KCNH1: variants seen among roughly 807,000 people sequenced by gnomAD.
KCNH1 encodes potassium voltage-gated channel subfamily H member 1, also known as voltage-gated delayed rectifier potassium channel KCNH1.
KCNH1 carries 27 observed loss-of-function variants against 69.2 expected under a neutral mutation model. That is an observed-to-expected ratio of 0.39 (90% CI 0.29 to 0.54). The LOEUF is 0.54. Ranked by LOEUF, KCNH1 falls within the 20% of genes least tolerant of loss-of-function variation. The probability of loss-of-function intolerance (pLI) is 0.68; values close to 1 mark genes in which losing one functional copy is unlikely to be tolerated. For missense variants in KCNH1, 798 were observed against 1,261.6 expected (o/e 0.63, Z 5.57); for synonymous variants, 456 against 487.7 (o/e 0.93, Z 0.86).
At chr1:210,689,055 C>G (rs1351026229) in intron 10 of KCNH1, among the ~76,000 whole-genome samples, 2 of 152,190 alleles carry the variant, frequency 1.3e-5, no homozygotes, top group Non-Finnish European at 2.9e-5. Flanking sequence ...ACAGAGGACA[C>G]CTGGAGGGCA....
At chr1:210,894,707 G>A (rs1435032478) in intron 7 of KCNH1, among the ~76,000 whole-genome samples, 1 of 152,074 alleles carries the variant, frequency 6.6e-6, no homozygotes, top group East Asian at 1.9e-4. Flanking sequence ...TTATAAAAAT[G>A]AGCTCTCTCT....
chr1:211,021,250 C>T (rs1689582196), intron 5 of KCNH1, among the ~76,000 whole-genome samples: 1 of 151,914 alleles, frequency 6.6e-6, no homozygotes, highest in Non-Finnish European at 1.5e-5. Flanking sequence ...CACAAATCAC[C>T]ACTAAAGAAC....
intron 6 of KCNH1, among the ~76,000 whole-genome samples, chr1:210,958,467 T>C (rs1194493172): frequency 6.6e-6 from 1 of 152,226 alleles, no homozygotes; most frequent in Non-Finnish European, 1.5e-5. Flanking sequence ...CCTTGCCTGG[T>C]TGGGGAAGTT....
chr1:210,720,399 C>A (rs998504520), intron 10 of KCNH1, among the ~76,000 whole-genome samples: 5 of 152,162 alleles, frequency 3.3e-5, no homozygotes, highest in African/African-American at 9.7e-5. Context: ...ACAAAACTTT[C>A]TTATTTTATC....
intron 8 of KCNH1, among the ~76,000 whole-genome samples, chr1:210,802,604 G>A (rs920418916): frequency 1.3e-5 from 2 of 152,098 alleles, no homozygotes; most frequent in African/African-American, 2.4e-5. Flanking sequence ...CCCACTGTAT[G>A]TTTTCTCTAT....
intron 5 of KCNH1, among the ~76,000 whole-genome samples, chr1:211,075,376 T>C (rs1571626711): frequency 6.6e-6 from 1 of 152,314 alleles, no homozygotes; most frequent in Admixed American, 6.5e-5. Flanking sequence ...TTCAGAACAT[T>C]CTTTGTGAGC....
In KCNH1 at chr1:210,807,411, C is replaced by G. The variant is rs564037934; in HGVS notation, c.1463-3245G>C. The stretch of plus-strand genomic sequence containing the variant: ...CTTGAGGCCAGGAGTTTAAGACCAG[C>G]CTGGTCAACATGGCAAAGCCCTGTC... On this transcript the variant is annotated intron_variant, in intron 7 of 10. Coordinates refer to ENST00000271751, the MANE Select transcript of KCNH1 (RefSeq NM_172362.3). Among the ~76,000 whole-genome samples, 12 of 152,112 alleles carry G rather than the reference C, an allele frequency of 7.9e-5. No individual in the cohort carries two copies. The East Asian group carries it at 2.1e-3, about 27-fold the overall frequency.
intron 5 of KCNH1, among the ~76,000 whole-genome samples, chr1:211,069,072 T>G (rs187023156): frequency 6.6e-6 from 1 of 152,318 alleles, no homozygotes; most frequent in African/African-American, 2.4e-5. Context: ...CATTCTGTTC[T>G]TAACAAGGCC....
chr1:210,925,204 C>T (rs1184903381), intron 6 of KCNH1, among the ~76,000 whole-genome samples: 1 of 152,212 alleles, frequency 6.6e-6, no homozygotes, highest in African/African-American at 2.4e-5. Flanking sequence ...CAAAACAACG[C>T]TCTTAAAGAA....
At chr1:210,921,200 A>G (rs1220893347) in intron 6 of KCNH1, among the ~76,000 whole-genome samples, 1 of 152,220 alleles carries the variant, frequency 6.6e-6, no homozygotes, top group African/African-American at 2.4e-5. Context: ...CACATCATTT[A>G]AAACCCCAAA....
At chr1:211,099,172 CTAAA>C (rs1248211989) in intron 3 of KCNH1, among the ~76,000 whole-genome samples, 1 of 151,988 alleles carries the variant, frequency 6.6e-6, no homozygotes, top group Non-Finnish European at 1.5e-5. Context: ...GTGACAAAGA[CTAAA>C]TAAACATATG....
chr1:210,871,713 T>G (rs1241302961), intron 7 of KCNH1, among the ~76,000 whole-genome samples: 1 of 151,840 alleles, frequency 6.6e-6, no homozygotes, highest in African/African-American at 2.4e-5. Flanking sequence ...CATGGAATAC[T>G]ATGCAGCCAT....
intron 1 of KCNH1, among the ~76,000 whole-genome samples, chr1:211,111,632 G>A (rs61099314): frequency 0.19 from 24,453 of 130,742 alleles, 2,194 homozygotes; most frequent in African/African-American, 0.28. Context: ...CCCGGCCCCC[G>A]CCCCGTCTGG....
At chr1:211,006,766 A>G (rs866818578) in intron 6 of KCNH1, among the ~76,000 whole-genome samples, 1 of 152,170 alleles carries the variant, frequency 6.6e-6, no homozygotes, top group Non-Finnish European at 1.5e-5. Flanking sequence ...AAAAGGAAAA[A>G]CCTAAATGCC....
At chr1:210,820,235 C>G (rs1398396736) in intron 7 of KCNH1, among the ~76,000 whole-genome samples, 3 of 152,086 alleles carry the variant, frequency 2.0e-5, no homozygotes, top group Non-Finnish European at 4.4e-5. Flanking sequence ...TTATAATTAC[C>G]TTAAGGAGCA....
intron 6 of KCNH1, among the ~76,000 whole-genome samples, chr1:210,987,334 G>A (rs546883128): frequency 2.3e-4 from 35 of 152,280 alleles, no homozygotes; most frequent in South Asian, 1.7e-3. Context: ...GAGGAGCTGC[G>A]TTTCTTTCGA....
chr1:211,039,779 C>A (rs1689957352), intron 5 of KCNH1, among the ~76,000 whole-genome samples: 1 of 152,204 alleles, frequency 6.6e-6, no homozygotes, highest in African/African-American at 2.4e-5. Context: ...TGTACCCCCA[C>A]TGTGTCTAGG....
At chr1:210,829,871 T>G (rs911878049) in intron 7 of KCNH1, among the ~76,000 whole-genome samples, 9 of 152,164 alleles carry the variant, frequency 5.9e-5, no homozygotes, top group African/African-American at 2.2e-4. Flanking sequence ...ATTATTCAGT[T>G]TATTAATCAG....
intron 3 of KCNH1, among the ~76,000 whole-genome samples, chr1:211,093,169 T>G (rs2102475250): frequency 1.3e-5 from 2 of 152,236 alleles, no homozygotes; most frequent in East Asian, 3.9e-4. Context: ...TCTTCATGTT[T>G]CATTTGACTA....
Sources: allele counts gnomAD v4.1 joint callset (sites outside exome capture counted in the v4.1 genomes callset), GRCh38; gene constraint gnomAD v4.1.1; transcripts MANE v1.5; gene names NCBI Gene and HGNC (gene_info 2026-07-23, HGNC 2026-07-21).